Variants in ZNF683 observed in about 807,000 individuals in gnomAD.
ZNF683 encodes the protein zinc finger protein 683.
ZNF683 carries 20 observed loss-of-function variants against 31.4 expected under a neutral mutation model. That is an observed-to-expected ratio of 0.64 (90% CI 0.45 to 0.93). The LOEUF is 0.93. Among genes scored for constraint, ZNF683 ranks in the 40% least tolerant of loss-of-function variants. The pLI is 0.00. For synonymous variants in ZNF683, 264 were observed against 267.6 expected, an observed-to-expected ratio of 0.99 and a Z score of 0.13; for missense variants, 621 against 637.2, an observed-to-expected ratio of 0.97 and a Z score of 0.27.
chr1:26,368,807 T>G (rs1570267184), intron 1 of ZNF683, among the ~76,000 whole-genome samples: 2 of 152,282 alleles, frequency 1.3e-5, no homozygotes, highest in Middle Eastern at 6.8e-3. Context: ...TCCTGGTGGG[T>G]GTGGGAAGAT....
Position 26,367,536 on chromosome 1 carries a change from G to GC in ZNF683, c.319+56dup, listed in dbSNP as rs1302748229. 4 of 1,458,764 alleles carry GC rather than the reference G, an allele frequency of 2.7e-6. No homozygotes were observed. The African/African-American group carries it at 4.3e-5, about 16-fold the overall frequency. 90.4% of individuals were successfully genotyped at this position (1,458,764 alleles called of 1,614,324 possible). On this transcript the variant is annotated intron_variant, in intron 3 of 5. Transcript: ENST00000349618. ...ACCACCCATCCCCAAACCTAGCAGT[G>GC]CCCCCCACCCTCCAGCCTCTGCCAG...
At chr1:26,364,147 T>C (rs914658927) in intron 4 of ZNF683, among the ~76,000 whole-genome samples, 4 of 152,162 alleles carry the variant, frequency 2.6e-5, no homozygotes, top group African/African-American at 7.2e-5. Flanking sequence ...CCCAAAAAAA[T>C]AAATAAGAAG....
upstream of ZNF683, among the ~76,000 whole-genome samples, chr1:26,373,729 T>C (rs902372698): frequency 2.6e-5 from 4 of 152,208 alleles, no homozygotes; most frequent in Admixed American, 2.0e-4. Flanking sequence ...AACTGATAAT[T>C]CTGCATTATA....
At chr1:26,365,973 G>A (rs1371095013) in intron 3 of ZNF683, among the ~76,000 whole-genome samples, 1 of 152,136 alleles carries the variant, frequency 6.6e-6, no homozygotes, top group Non-Finnish European at 1.5e-5. Flanking sequence ...CTGAGGTTGG[G>A]AGTTCAAGAC....
Position 26,361,777 on chromosome 1 carries a change from A to G in ZNF683, c.1389T>C (p.Ser463=), listed in dbSNP as rs369190606. The G allele has an allele frequency of 1.3e-5, 21 of 1,613,896 alleles. No individual in the cohort carries two copies. The highest frequency in any genetic ancestry group is 1.8e-5 in the Non-Finnish European group (21 of 1,179,894). Residue 463 remains serine, a synonymous_variant, in exon 6 of 6, where the codon TCT becomes TCC. Coordinates refer to ENST00000349618, the MANE Select transcript of ZNF683 (RefSeq NM_001114759.3). ...CTATGTCATAGCCCATGTGTTTCTC[A>G]GATGCCACCGCCATAAGATCTAGTG... is the stretch of plus-strand genomic sequence containing the variant. The part of the protein sequence containing the change: ...QGALDLMAVA[S]EKHMGYDIDE...
chr1:26,370,553 G>A lies in ZNF683; in HGVS notation c.-14-1968C>T, dbSNP rs796807977. On this transcript the variant is annotated intron_variant, in intron 1 of 5. Coordinates refer to ENST00000349618, the MANE Select transcript of ZNF683 (RefSeq NM_001114759.3). The stretch of plus-strand genomic sequence containing the variant: ...CAGACCCTAAGACCCTCACTCCAGT[G>A]TCTCAGCCCTCTAAAACCCCTTCTC... The A allele has an allele frequency of 1.8e-5, 13 of 714,984 alleles. No individual in the cohort carries two copies. The African/African-American group carries it at 2.5e-4, about 14-fold the overall frequency. 44.3% of individuals were successfully genotyped at this position (714,984 alleles called of 1,614,324 possible). A position where few individuals can be genotyped will look rare whatever the true frequency, so the allele number is the denominator to read the frequency against.
At chr1:26,372,585 C>G in intron 1 of ZNF683, 84 bp downstream of exon 1, 1 of 1,304,960 alleles carries the variant, frequency 7.7e-7, no homozygotes, top group Non-Finnish European at 1.0e-6. Context: ...ACACTCTGCT[C>G]CCAACTCTCA....
At chr1:26,370,891 G>A (rs72649379) in intron 1 of ZNF683, 22,593 of 173,736 alleles carry the variant, frequency 0.13, 2,225 homozygotes, top group East Asian at 0.55. Context: ...GGCAACTCTG[G>A]AGGACAACCT....
chr1:26,364,750 C>T lies in ZNF683; in HGVS notation c.796G>A (p.Ala266Thr), dbSNP rs2074473816. The T allele has an allele frequency of 6.2e-7, 1 of 1,613,482 alleles. No individual in the cohort carries two copies. Among genetic ancestry groups the T allele is most frequent in the Non-Finnish European group, 8.5e-7 (1 of 1,179,604 alleles). The change falls in exon 4 of 6, where the codon GCT becomes ACT. Residue 266 changes from alanine to threonine, a missense_variant. By Grantham distance (58) the Ala-to-Thr change is moderately conservative. Transcript: ENST00000349618. ...GGATTTCGGGCCTGGGAAGGCAGAG[C>T]TTGGCCAGAGGCTTGGAAGGCCCCT... ...YPGAFQASGQ[A>T]LPSQARNPGA...
Position 26,365,173 on chromosome 1 carries a change from CTG to C in ZNF683, c.371_372del (p.Thr124SerfsTer30). On this transcript the variant is annotated frameshift_variant, in exon 4 of 6. Coordinates refer to ENST00000349618, the MANE Select transcript of ZNF683 (RefSeq NM_001114759.3). LOFTEE classifies it high-confidence loss of function. The part of the protein sequence containing the change: ...QASSTDDKKF[T>X]VKYPQNKDKL... ...TTGTCCTTGTTCTGTGGGTACTTGA[CTG>C]TGAATTTCTTGTCATCGGTGGAGCT... is the stretch of plus-strand genomic sequence containing the variant. 1.2e-6 allele frequency: 2 copies of C among 1,610,370 alleles called. No homozygotes were observed. The highest frequency in any genetic ancestry group is 8.5e-7 in the Non-Finnish European group (1 of 1,178,476).
chr1:26,365,146 G>C lies in ZNF683; in HGVS notation c.400C>G (p.Leu134Val), dbSNP rs74061129. 80 of 1,609,966 alleles carry C rather than the reference G, an allele frequency of 5.0e-5. 1 individual carries two copies. The African/African-American group carries it at 9.2e-4, about 19-fold the overall frequency. The change falls in exon 4 of 6, where the codon CTG becomes GTG. Residue 134 changes from leucine to valine, a missense_variant. Transcript: ENST00000349618. ...CCAGCTCTTTCTGGCTGTTTTCCCA[G>C]CTTGTCCTTGTTCTGTGGGTACTTG... ...TVKYPQNKDK[L>V]GKQPERAGEG...
upstream of ZNF683, chr1:26,374,475 C>A (rs906718415): frequency 1.8e-6 from 2 of 1,132,538 alleles, no homozygotes; most frequent in African/African-American, 3.3e-5. Context: ...CAGACTCCCT[C>A]AGGTTCCCAC....
chr1:26,369,994 CTCAA>C (rs71765830), intron 1 of ZNF683, among the ~76,000 whole-genome samples: 34,195 of 151,092 alleles, frequency 0.23, 4,311 homozygotes, highest in East Asian at 0.57. Flanking sequence ...AAGACCCTGT[CTCAA>C]TCAATCAATC....
In ZNF683 at chr1:26,364,677, C is replaced by T. The variant is rs1196801913; in HGVS notation, c.869G>A (p.Gly290Asp). ...GACCCGCTTTGCTGGAGATGCCATG[C>T]CACCACGCTCCAGGCCTGGGGAGTC... ...PTDSPGLERG[G>D]MASPAKRVPL... Residue 290 changes from glycine to aspartate, a missense_variant, in exon 4 of 6, where the codon GGC becomes GAC. Transcript: ENST00000349618. The T allele has an allele frequency of 2.5e-6, 4 of 1,613,860 alleles. No homozygotes were observed. The African/African-American group carries it at 4.0e-5, about 16-fold the overall frequency.
chr1:26,368,507 C>A lies in ZNF683; in HGVS notation c.65G>T (p.Gly22Val), dbSNP rs35040247. ...GTCCAGGCTGGGGGACAGGGAGCCC[C>A]CTGTACCTCCCAGGGCCATGGGCCT... ...CHRPMALGGT[G>V]GSLSPSLDFQ... Residue 22 changes from glycine (G) to valine (V), a missense_variant, in exon 2 of 6, where the codon GGG (glycine) becomes GTG (valine). Transcript: ENST00000349618. The A allele has an allele frequency of 1.6e-3, 2,573 of 1,605,598 alleles. 42 individuals carry two copies. In the African/African-American group the frequency reaches 0.03, roughly 19 times the overall value.
rs1383332694 is a variant in ZNF683, at chr1:26,365,170, T to C, written c.376A>G (p.Lys126Glu). Reference sequence around the variant, plus strand: ...AGCTTGTCCTTGTTCTGTGGGTACTTGACTGTGAATTTCTTGTCATCGGTG... The same window carrying C: ...AGCTTGTCCTTGTTCTGTGGGTACTCGACTGTGAATTTCTTGTCATCGGTG... ...SSTDDKKFTV[K>E]YPQNKDKLGK... Residue 126 changes from lysine to glutamate, a missense_variant, in exon 4 of 6, where the codon AAG becomes GAG. Coordinates refer to ENST00000349618, the MANE Select transcript of ZNF683 (RefSeq NM_001114759.3). The C allele has an allele frequency of 6.2e-7, 1 of 1,610,606 alleles. No homozygotes were observed. Among genetic ancestry groups the C allele is most frequent in the Non-Finnish European group, 8.5e-7 (1 of 1,178,556 alleles).
intron 1 of ZNF683, among the ~76,000 whole-genome samples, chr1:26,369,470 C>T (rs1358834765): frequency 6.6e-6 from 1 of 152,024 alleles, no homozygotes; most frequent in Non-Finnish European, 1.5e-5. Context: ...GAGTTCAAGA[C>T]CAGCCTGACG....
chr1:26,367,698 C>T lies in ZNF683; in HGVS notation c.214G>A (p.Ala72Thr). 6.2e-7 allele frequency: 1 copy of T among 1,612,456 alleles called. No individual in the cohort carries two copies. Among genetic ancestry groups the T allele is most frequent in the South Asian group, 1.1e-5 (1 of 90,826 alleles). Residue 72 changes from alanine to threonine, a missense_variant, in exon 3 of 6, where the codon GCA becomes ACA. Physicochemically the swap from Ala to Thr is moderately conservative, Grantham distance 58. Transcript: ENST00000349618. Reference protein sequence around the residue: ...CPLPLAPGRSALLACLQDLDL... With the variant: ...CPLPLAPGRSTLLACLQDLDL... ...AGGTCCTGTAGGCAGGCCAGCAGTGCAGACCTGCCCGGTGCCAGGGGCAAG... is the reference window on the plus strand; with the variant it reads ...AGGTCCTGTAGGCAGGCCAGCAGTGTAGACCTGCCCGGTGCCAGGGGCAAG...
At position 26,368,582 on chromosome 1, in the gene ZNF683, C is replaced by T. The variant is rs2074588607; in HGVS notation, c.-11G>A. Reference sequence around the variant, plus strand: ...TGATTCTTCCTTCATATCCCCATTACCTGCTGGGAAACAGGTGAGTTAGAG... The same window carrying T: ...TGATTCTTCCTTCATATCCCCATTATCTGCTGGGAAACAGGTGAGTTAGAG... On this transcript the variant is annotated 5_prime_UTR_variant, in exon 2 of 6. Transcript: ENST00000349618. 2 of 1,593,592 alleles carry T rather than the reference C, an allele frequency of 1.3e-6. No individual in the cohort carries two copies. The highest frequency in any genetic ancestry group is 1.7e-6 in the Non-Finnish European group (2 of 1,170,566).
Sources: allele counts gnomAD v4.1 joint callset (sites outside exome capture counted in the v4.1 genomes callset), GRCh38; gene constraint gnomAD v4.1.1; transcripts MANE v1.5; gene names NCBI Gene and HGNC (gene_info 2026-07-23, HGNC 2026-07-21).